The following TPTE variants were observed in gnomAD, a reference collection of about 807,000 sequenced individuals.
The protein encoded by TPTE is transmembrane phosphatase with tensin homology, also known as putative tyrosine-protein phosphatase TPTE.
TPTE carries 59 observed loss-of-function variants against 84.1 expected under a neutral mutation model. That is an observed-to-expected ratio of 0.70 (90% CI 0.57 to 0.87). The LOEUF is 0.87. Ranked by LOEUF, TPTE falls within the 40% of genes least tolerant of loss-of-function variation. TPTE has a pLI of 0.00. For missense variants in TPTE, 382 were observed against 659.6 expected, an observed-to-expected ratio of 0.58 and a Z score of 4.61; for synonymous variants, 130 against 223.5, an observed-to-expected ratio of 0.58 and a Z score of 3.73.
chr21:10,536,736 TG>T (rs1254525900), intron 3 of TPTE, among the ~76,000 whole-genome samples: 1 of 152,308 alleles, frequency 6.6e-6, no homozygotes, highest in Non-Finnish European at 1.5e-5. Context: ...TCCAACTTTT[TG>T]ATTAAATTGG....
At chr21:10,573,267 TAAAG>T (rs1411479004) in intron 14 of TPTE, among the ~76,000 whole-genome samples, 2 of 152,286 alleles carry the variant, frequency 1.3e-5, no homozygotes, top group Non-Finnish European at 2.9e-5. Flanking sequence ...TTTATAATAA[TAAAG>T]AGATCAACTT....
At chr21:10,569,179 A>G (rs2074988389) in intron 11 of TPTE, among the ~76,000 whole-genome samples, 1 of 152,312 alleles carries the variant, frequency 6.6e-6, no homozygotes, top group African/African-American at 2.4e-5. Context: ...GTGAGCAGTT[A>G]TATTAATTGT....
chr21:10,553,250 C>T (rs2145651793), intron 8 of TPTE, among the ~76,000 whole-genome samples: 1 of 152,406 alleles, frequency 6.6e-6, no homozygotes, highest in South Asian at 2.1e-4. Context: ...TGTAATGAAA[C>T]AATACATTCT....
intron 15 of TPTE, 54 bp from the exon 16 acceptor site, chr21:10,578,283 T>G: frequency 6.2e-7 from 1 of 1,602,432 alleles, no homozygotes; most frequent in Non-Finnish European, 8.5e-7. Flanking sequence ...CATAACTTCC[T>G]CATTTATCAT....
intron 3 of TPTE, among the ~76,000 whole-genome samples, chr21:10,534,676 G>A (rs996883407): frequency 6.6e-6 from 1 of 152,422 alleles, no homozygotes. Flanking sequence ...AAGGTGTTAT[G>A]TGTGTGTATG....
chr21:10,545,346 G>T (rs1438420973), intron 7 of TPTE, among the ~76,000 whole-genome samples: 1 of 152,296 alleles, frequency 6.6e-6, no homozygotes, highest in African/African-American at 2.4e-5. Flanking sequence ...TTTCTTCTAG[G>T]AAAAAATGAT....
At chr21:10,540,143 C>T (rs1304445457) in intron 4 of TPTE, among the ~76,000 whole-genome samples, 17 of 152,422 alleles carry the variant, frequency 1.1e-4, no homozygotes, top group Admixed American at 2.0e-4. Context: ...TTCTTTGGCA[C>T]GGCCCTGTGT....
At chr21:10,538,817 T>C (rs1207709284) in intron 4 of TPTE, 83 bp downstream of exon 4, 53 of 1,613,598 alleles carry the variant, frequency 3.3e-5, no homozygotes, top group Non-Finnish European at 4.2e-5. Flanking sequence ...CATAAACAAA[T>C]ATATCCATCC....
intron 23 of TPTE, 149 bp downstream of exon 23, chr21:10,603,781 C>T (rs1978912205): frequency 9.4e-7 from 1 of 1,068,434 alleles, no homozygotes; most frequent in South Asian, 1.5e-5. Context: ...CCTTACTCTT[C>T]TTACTTTGGT....
At chr21:10,542,827 T>C (rs2145621200) in intron 6 of TPTE, among the ~76,000 whole-genome samples, 1 of 152,424 alleles carries the variant, frequency 6.6e-6, no homozygotes, top group Non-Finnish European at 1.5e-5. Context: ...TGGAGCTCTA[T>C]AAAAAGGAGC....
chr21:10,553,651 A>ATATC, intron 8 of TPTE, among the ~76,000 whole-genome samples: 1 of 152,312 alleles, frequency 6.6e-6, no homozygotes. Flanking sequence ...CATTACATAG[A>ATATC]TATAGGAGGA....
intron 7 of TPTE, among the ~76,000 whole-genome samples, chr21:10,544,013 C>G (rs1473483400): frequency 6.6e-6 from 1 of 152,302 alleles, no homozygotes; most frequent in African/African-American, 2.4e-5. Flanking sequence ...GGGTACTTCA[C>G]TGTGTCTCAT....
intron 22 of TPTE, chr21:10,602,857 A>G: frequency 1.9e-6 from 1 of 518,086 alleles, no homozygotes; most frequent in Non-Finnish European, 3.9e-6. Context: ...TGAGAGTGGA[A>G]GCCTTTATTG....
At position 10,577,612 on chromosome 21, in the gene TPTE, CAT is replaced by C; in HGVS notation, c.856+94_856+95del. On this transcript the variant is annotated intron_variant, in intron 15 of 23. Coordinates refer to ENST00000618007, the MANE Select transcript of TPTE (RefSeq NM_199261.4). ...TTTTGTTTTTTAGATTGCATTTAAT[CAT>C]AAGTATTTGGTAGTGGCAAGGAATG... The C allele has an allele frequency of 1.9e-6, 3 of 1,607,614 alleles. No homozygotes were observed. The South Asian group carries it at 3.3e-5, about 18-fold the overall frequency.
chr21:10,530,212 C>T (rs558731951), intron 3 of TPTE, among the ~76,000 whole-genome samples: 2 of 152,430 alleles, frequency 1.3e-5, no homozygotes, highest in Admixed American at 1.3e-4. Context: ...ACCTCATGCC[C>T]TTTAGAAACC....
At chr21:10,566,543 G>A (rs1009085464) in intron 10 of TPTE, among the ~76,000 whole-genome samples, 3 of 152,312 alleles carry the variant, frequency 2.0e-5, no homozygotes, top group Admixed American at 2.0e-4. Flanking sequence ...ATATAGAAGA[G>A]ATATCTGCAT....
At chr21:10,599,816 T>A (rs2075655080) in intron 21 of TPTE, among the ~76,000 whole-genome samples, 1 of 152,076 alleles carries the variant, frequency 6.6e-6, no homozygotes, top group African/African-American at 2.4e-5. Flanking sequence ...AGTTAGTTAG[T>A]TAGTTAGTTA....
intron 17 of TPTE, among the ~76,000 whole-genome samples, chr21:10,587,127 A>G (rs12626202): frequency 0.036 from 5,004 of 139,040 alleles, no homozygotes; most frequent in East Asian, 0.1. Context: ...AATTGCATTA[A>G]TATAGATTTC....
chr21:10,562,445 A>T (rs2074827513), intron 10 of TPTE, among the ~76,000 whole-genome samples: 1 of 152,310 alleles, frequency 6.6e-6, no homozygotes, highest in Non-Finnish European at 1.5e-5. Flanking sequence ...GTAGAAACAG[A>T]GATATGTGAC....
Sources: allele counts gnomAD v4.1 joint callset (sites outside exome capture counted in the v4.1 genomes callset), GRCh38; gene constraint gnomAD v4.1.1; transcripts MANE v1.5; gene names NCBI Gene and HGNC (gene_info 2026-07-23, HGNC 2026-07-21).